Variants in CRKL observed in about 807,000 individuals in gnomAD.
CRKL encodes crk-like protein.
In CRKL, 3 loss-of-function variants were observed where a neutral mutation model predicts 23.0. The observed-to-expected ratio is 0.13, with a 90% confidence interval of 0.06 to 0.34. The LOEUF (loss-of-function observed/expected upper bound fraction) is 0.34, where lower values mean the gene tolerates loss of function less well. Among genes scored for constraint, CRKL ranks in the 10% least tolerant of loss-of-function variants. CRKL has a pLI of 1.00. For missense variants in CRKL, 256 were observed against 394.5 expected (o/e 0.65, Z 2.97); for synonymous variants, 188 against 160.7 (o/e 1.17, Z -1.28).
At chr22:20,928,760 C>T (rs978804453) in intron 1 of CRKL, among the ~76,000 whole-genome samples, 4 of 139,688 alleles carry the variant, frequency 2.9e-5, no homozygotes, top group African/African-American at 1.1e-4. Context: ...CTGCAATGAG[C>T]CATGATTGTG....
chr22:20,943,829 T>TA (rs57136466), intron 2 of CRKL, among the ~76,000 whole-genome samples: 112,301 of 150,986 alleles, frequency 0.74, 42,531 homozygotes, highest in South Asian at 0.91. Flanking sequence ...TCCCACGTGT[T>TA]AAAAAAAAAT....
intron 2 of CRKL, among the ~76,000 whole-genome samples, chr22:20,941,438 A>G (rs1196406136): frequency 1.3e-5 from 2 of 150,732 alleles, no homozygotes; most frequent in African/African-American, 4.9e-5. Context: ...CTATAATACC[A>G]TGCAAATGTA....
At position 20,933,847 on chromosome 22, in the gene CRKL, A is replaced by G. The variant is rs758872714; in HGVS notation, c.380A>G (p.Tyr127Cys). The change falls in exon 2 of 3, where the codon TAT becomes TGT. Residue 127 changes from tyrosine (Y) to cysteine (C), a missense_variant. This residue lies in a region of CRKL where 42 missense variants were observed against 32.7 expected (regional missense o/e 1.29). Transcript: ENST00000354336. ...CCTACAGCAGAAGATAACCTGGAATATGTACGGACTCTGTATGATTTTCCT... is the reference window on the plus strand; with the variant it reads ...CCTACAGCAGAAGATAACCTGGAATGTGTACGGACTCTGTATGATTTTCCT... Reference protein sequence around the residue: ...NLPTAEDNLEYVRTLYDFPGN... With the variant: ...NLPTAEDNLECVRTLYDFPGN... The G allele has an allele frequency of 2.9e-5, 47 of 1,614,002 alleles. No homozygotes were observed. Among genetic ancestry groups the G allele is most frequent in the Non-Finnish European group, 4.0e-5 (47 of 1,180,036 alleles).
At chr22:20,925,469 A>G (rs758766444) in intron 1 of CRKL, among the ~76,000 whole-genome samples, 1 of 152,064 alleles carries the variant, frequency 6.6e-6, no homozygotes, top group African/African-American at 2.4e-5. Flanking sequence ...AGATTGCGCC[A>G]GCGCCACTGC....
chr22:20,939,065 C>A (rs1312346531), intron 2 of CRKL, among the ~76,000 whole-genome samples: 1 of 152,136 alleles, frequency 6.6e-6, no homozygotes, highest in African/African-American at 2.4e-5. Flanking sequence ...TAGCCCTCTT[C>A]AGAGTCTAAC....
intron 2 of CRKL, among the ~76,000 whole-genome samples, chr22:20,943,114 C>T (rs1215763618): frequency 6.6e-6 from 1 of 152,162 alleles, no homozygotes; most frequent in Non-Finnish European, 1.5e-5. Flanking sequence ...TTTTGATTTG[C>T]ATGTTCCTAG....
chr22:20,922,355 TATAAA>T (rs1921025826), intron 1 of CRKL, among the ~76,000 whole-genome samples: 1 of 151,948 alleles, frequency 6.6e-6, no homozygotes, highest in Admixed American at 6.6e-5. Flanking sequence ...AAGGGGGACA[TATAAA>T]ATGAGTTTGG....
At chr22:20,922,544 A>C (rs985633287) in intron 1 of CRKL, among the ~76,000 whole-genome samples, 11 of 152,132 alleles carry the variant, frequency 7.2e-5, no homozygotes, top group Non-Finnish European at 1.5e-5. Context: ...TGGAGATAAA[A>C]TTGATTTGCT....
At chr22:20,931,563 C>T (rs1921454668) in intron 1 of CRKL, among the ~76,000 whole-genome samples, 1 of 152,144 alleles carries the variant, frequency 6.6e-6, no homozygotes. Flanking sequence ...CAGGGTTCGT[C>T]CCTAAGGCTG....
intron 1 of CRKL, among the ~76,000 whole-genome samples, chr22:20,929,445 G>A (rs951245900): frequency 3.0e-4 from 45 of 150,920 alleles, no homozygotes; most frequent in African/African-American, 9.5e-4. Flanking sequence ...GATTACAGGC[G>A]TGAGCCACTG....
At position 20,934,258 on chromosome 22, in the gene CRKL, A is replaced by G. The variant is rs370929757; in HGVS notation, c.777+14A>G. On this transcript the variant is annotated intron_variant, in intron 2 of 2. Coordinates refer to ENST00000354336, the MANE Select transcript of CRKL (RefSeq NM_005207.4). ...TTGGCATTAGAGGTAAAATCTGTTC[A>G]GATTAGCTTTTTGGGTCCTTTGACA... 5.0e-5 allele frequency: 79 copies of G among 1,586,962 alleles called. No homozygotes were observed. Among genetic ancestry groups the G allele is most frequent in the Non-Finnish European group, 5.9e-5 (69 of 1,165,214 alleles).
At chr22:20,942,070 T>G (rs1309958719) in intron 2 of CRKL, among the ~76,000 whole-genome samples, 1 of 152,180 alleles carries the variant, frequency 6.6e-6, no homozygotes, top group South Asian at 2.1e-4. Flanking sequence ...TTCTCATGAC[T>G]GCTCCCACAC....
rs558917658 is a variant in CRKL, at chr22:20,930,633, C to T, written c.312-3146C>T. ...CTGACCTCAAGTGATCCTCCCGCCT[C>T]GGCCTCCCAGTGTTGGGATTACAGG... On this transcript the variant is annotated intron_variant, in intron 1 of 2. Transcript: ENST00000354336. 1.8e-4 allele frequency among the ~76,000 whole-genome samples: 27 copies of T among 150,870 alleles called. 1 individual carries two copies. Among genetic ancestry groups the T allele is most frequent in the South Asian group, 6.3e-4 (3 of 4,760 alleles).
At chr22:20,939,149 A>G (rs910376183) in intron 2 of CRKL, among the ~76,000 whole-genome samples, 3 of 151,384 alleles carry the variant, frequency 2.0e-5, no homozygotes, top group Non-Finnish European at 2.9e-5. Flanking sequence ...TTGAGTGCCT[A>G]TTATGTGACA....
At chr22:20,947,877 T>G (rs2147916806) in intron 2 of CRKL, among the ~76,000 whole-genome samples, 1 of 151,788 alleles carries the variant, frequency 6.6e-6, no homozygotes, top group South Asian at 2.1e-4. Context: ...AGAGACAGGG[T>G]TTCACTGTGT....
intron 2 of CRKL, among the ~76,000 whole-genome samples, chr22:20,934,643 T>A (rs1365551060): frequency 6.6e-6 from 1 of 152,100 alleles, no homozygotes; most frequent in African/African-American, 2.4e-5. Flanking sequence ...GATTTAGTTT[T>A]GCAGTTGTTG....
chr22:20,937,478 C>T (rs920865726), intron 2 of CRKL, among the ~76,000 whole-genome samples: 9 of 146,446 alleles, frequency 6.1e-5, no homozygotes, highest in Admixed American at 1.4e-4. Flanking sequence ...AGTGTGCGTG[C>T]GTGTGTGCTC....
In CRKL at chr22:20,951,828, A is replaced by T; in HGVS notation, c.*1983A>T. 4.5e-6 allele frequency: 1 copy of T among 221,438 alleles called. No homozygotes were observed. Among genetic ancestry groups the T allele is most frequent in the Non-Finnish European group, 9.0e-6 (1 of 110,592 alleles). 13.7% of individuals were successfully genotyped at this position (221,438 alleles called of 1,614,324 possible). ...GAATTAATGGTCATTTGGGAAAACTATCGCCATGGCTTCCCATCTGTGGTT... is the reference window on the plus strand; with the variant it reads ...GAATTAATGGTCATTTGGGAAAACTTTCGCCATGGCTTCCCATCTGTGGTT... On this transcript the variant is annotated 3_prime_UTR_variant, in exon 3 of 3. Coordinates refer to ENST00000354336, the MANE Select transcript of CRKL (RefSeq NM_005207.4).
At chr22:20,938,209 A>T (rs1921733709) in intron 2 of CRKL, among the ~76,000 whole-genome samples, 1 of 152,216 alleles carries the variant, frequency 6.6e-6, no homozygotes, top group Admixed American at 6.5e-5. Flanking sequence ...ACAGAGAATG[A>T]TGATGGCTTA....
Sources: gnomAD v4.1 joint callset for allele counts (sites outside exome capture counted in the v4.1 genomes callset) on GRCh38, gnomAD v4.1.1 for gene constraint, gnomAD v4.1.1 regional missense constraint, MANE v1.5 for transcripts, NCBI Gene and HGNC (gene_info 2026-07-23, HGNC 2026-07-21) for gene names.